The following HMX1 variants were observed in gnomAD, a reference collection of about 807,000 sequenced individuals.
HMX1 encodes the protein H6 family homeobox 1, also known as homeobox protein HMX1.
HMX1 carries 8 observed loss-of-function variants against 8.9 expected under a neutral mutation model. The ratio of observed to expected loss-of-function variants is 0.90; its 90% CI spans 0.53 to 1.63. HMX1 has a LOEUF of 1.63. HMX1 is among the 40% of genes most tolerant of loss of function. HMX1 has a pLI of 0.00. For synonymous variants in HMX1, 311 were observed against 283.4 expected (o/e 1.10, Z -0.98); for missense variants, 621 against 558.5 (o/e 1.11, Z -1.13).
Position 8,867,484 on chromosome 4 carries a change from G to A in HMX1, c.*209C>T, listed in dbSNP as rs576959286. On this transcript the variant is annotated 3_prime_UTR_variant, in exon 2 of 2. Coordinates refer to ENST00000400677, the MANE Select transcript of HMX1 (RefSeq NM_018942.3). The stretch of plus-strand genomic sequence containing the variant: ...CCTGTTCGAGTGGGGATCCAGCCTG[G>A]CAAATGGGTGGGGCGTCCCATTACA... 2.6e-6 allele frequency: 3 copies of A among 1,162,736 alleles called. No homozygotes were observed. Among genetic ancestry groups the A allele is most frequent in the Non-Finnish European group, 2.1e-6 (2 of 944,510 alleles). The allele number at this position is 1,162,736 out of a possible 1,614,324, so 72.0% of individuals were successfully genotyped here.
At chr4:8,854,804 G>T (rs141977967) in intron 1 of HMX1, among the ~76,000 whole-genome samples, 8 of 152,224 alleles carry the variant, frequency 5.3e-5, no homozygotes, top group African/African-American at 1.9e-4. Flanking sequence ...AGTAACAGTA[G>T]TAAGTCCAAC....
chr4:8,861,093 G>A (rs912610973), intron 1 of HMX1, among the ~76,000 whole-genome samples: 39 of 152,206 alleles, frequency 2.6e-4, no homozygotes, highest in Non-Finnish European at 5.4e-4. Context: ...CGTCCGCGGG[G>A]TCCCGGACAC....
chr4:8,869,621 A>G (rs555611807), intron 1 of HMX1, among the ~76,000 whole-genome samples: 137 of 152,280 alleles, frequency 9.0e-4, no homozygotes, highest in Middle Eastern at 3.4e-3. Context: ...CCCGTGGCCA[A>G]TCCCCATGGT....
Position 8,871,131 on chromosome 4 carries a change from G to A in HMX1, c.394+90C>T, listed in dbSNP as rs1228049340. On this transcript the variant is annotated intron_variant, in intron 1 of 1. Coordinates refer to ENST00000400677, the MANE Select transcript of HMX1 (RefSeq NM_018942.3). This position sits in a 1 kb window ranked among gnomAD's most constrained non-coding sequence, Gnocchi z 4.8. Reference sequence around the variant, plus strand: ...AGAAGGGAGAGGATGGCCCAGAACGGGCGGCGACGAGCCCGAAGTCCCCCA... The same window carrying A: ...AGAAGGGAGAGGATGGCCCAGAACGAGCGGCGACGAGCCCGAAGTCCCCCA... The A allele has an allele frequency of 4.9e-6, 6 of 1,223,168 alleles. No individual in the cohort carries two copies. The highest frequency in any genetic ancestry group is 4.1e-5 in the Admixed American group (1 of 24,148). 75.8% of individuals were successfully genotyped at this position (1,223,168 alleles called of 1,614,324 possible). A position where few individuals can be genotyped will look rare whatever the true frequency, so the allele number is the denominator to read the frequency against.
At position 8,871,182 on chromosome 4, in the gene HMX1, C is replaced by G; in HGVS notation, c.394+39G>C. On this transcript the variant is annotated intron_variant, in intron 1 of 1. Transcript: ENST00000400677. The surrounding 1 kb of genome is among the most constrained non-coding windows in gnomAD (Gnocchi z 4.8). Reference sequence around the variant, plus strand: ...GCAAATGCGCAGGGAGGAAGTCGGGCCCCACCGCCTGACCCACCCTCCCCG... The same window carrying G: ...GCAAATGCGCAGGGAGGAAGTCGGGGCCCACCGCCTGACCCACCCTCCCCG... 17 of 1,371,220 alleles carry G rather than the reference C, an allele frequency of 1.2e-5. No homozygotes were observed. Among genetic ancestry groups the G allele is most frequent in the East Asian group, 3.2e-5 (1 of 31,038 alleles). 84.9% of individuals were successfully genotyped at this position (1,371,220 alleles called of 1,614,324 possible). A position where few individuals can be genotyped will look rare whatever the true frequency, so the allele number is the denominator to read the frequency against.
At chr4:8,851,164 A>G (rs917068173) in intron 1 of HMX1, among the ~76,000 whole-genome samples, 3 of 152,250 alleles carry the variant, frequency 2.0e-5, no homozygotes, top group Non-Finnish European at 2.9e-5. Flanking sequence ...GTCTGACTCA[A>G]GCCTGAGGGC....
At chr4:8,864,515 T>C (rs148923638), downstream of HMX1, among the ~76,000 whole-genome samples, 10,062 of 152,230 alleles carry the variant, frequency 0.066, 1,100 homozygotes, top group African/African-American at 0.22. Flanking sequence ...GCCAACGCGC[T>C]CGAGGTGCAC....
intron 1 of HMX1, chr4:8,860,898 G>A (rs571633155): frequency 6.6e-6 from 1 of 151,934 alleles, no homozygotes; most frequent in Non-Finnish European, 1.5e-5. Flanking sequence ...ACTGAGGGGC[G>A]AGGCTGAAGG....
rs975025362 is a variant in HMX1 at position 8,849,392 on chromosome 4, G to T, written c.395-3068C>A. On this transcript the variant is annotated intron_variant, in intron 1 of 1. Coordinates refer to the HMX1 transcript ENST00000506970. This position sits in a 1 kb window ranked among gnomAD's most constrained non-coding sequence, Gnocchi z 6.6. Reference sequence around the variant, plus strand: ...AGAGGCAGGGCAGCGTGAAGCCAAGGAGAAGGCGGGCACTCAGCTGGCACC... The same window carrying T: ...AGAGGCAGGGCAGCGTGAAGCCAAGTAGAAGGCGGGCACTCAGCTGGCACC... 1.3e-5 allele frequency among the ~76,000 whole-genome samples: 2 copies of T among 151,796 alleles called. No homozygotes were observed. The highest frequency in any genetic ancestry group is 4.2e-4 in the South Asian group (2 of 4,806).
Position 8,871,460 on chromosome 4 carries a change from G to C in HMX1, c.155C>G (p.Pro52Arg), listed in dbSNP as rs1386879376. 1 of 1,343,908 alleles carries C rather than the reference G, an allele frequency of 7.4e-7. No homozygotes were observed. Among genetic ancestry groups the C allele is most frequent in the Non-Finnish European group, 9.7e-7 (1 of 1,036,064 alleles). The allele number at this position is 1,343,908 out of a possible 1,614,324, so 83.2% of individuals were successfully genotyped here. The change falls in exon 1 of 2, where the codon CCC becomes CGC. Residue 52 changes from proline (P) to arginine (R), a missense_variant. Pro to Arg is a moderately radical substitution (Grantham distance 103). Coordinates refer to ENST00000400677, the MANE Select transcript of HMX1 (RefSeq NM_018942.3). The surrounding 1 kb of genome is among the most constrained non-coding windows in gnomAD (Gnocchi z 4.8). The part of the protein sequence containing the change: ...REDEEEDDDD[P>R]EDEDAEQARR... ...CGCCTGCTCGGCGTCCTCGTCTTCG[G>C]GGTCGTCGTCGTCCTCCTCCTCGTC...
Position 8,868,399 on chromosome 4 carries a change from C to A in HMX1, c.395-54G>T. 2 of 1,256,634 alleles carry A rather than the reference C, an allele frequency of 1.6e-6. No individual in the cohort carries two copies. Among genetic ancestry groups the A allele is most frequent in the South Asian group, 2.5e-5 (1 of 40,432 alleles). 77.8% of individuals were successfully genotyped at this position (1,256,634 alleles called of 1,614,324 possible). On this transcript the variant is annotated intron_variant, in intron 1 of 1. Coordinates refer to ENST00000400677, the MANE Select transcript of HMX1 (RefSeq NM_018942.3). This position sits in a 1 kb window ranked among gnomAD's most constrained non-coding sequence, Gnocchi z 4.6. ...GTTCTAGGGCACTGATTACCAGACT[C>A]AATCACTGAGGCCAGCCGTCCCCAC...
downstream of HMX1, among the ~76,000 whole-genome samples, chr4:8,864,978 G>A (rs566680129): frequency 1.3e-5 from 2 of 150,038 alleles, no homozygotes; most frequent in Admixed American, 6.6e-5. Context: ...CTCTGATGCT[G>A]GCTGCCAAGA....
downstream of HMX1, among the ~76,000 whole-genome samples, chr4:8,863,380 C>G (rs1055579086): frequency 6.6e-6 from 1 of 152,246 alleles, no homozygotes; most frequent in African/African-American, 2.4e-5. Flanking sequence ...CGGCCTCTCC[C>G]GCCTCCCTGG....
Position 8,867,548 on chromosome 4 carries a change from GCCGCGGCCTGCGCTC to G in HMX1, c.*130_*144del. The G allele has an allele frequency of 8.4e-7, 1 of 1,187,474 alleles. No individual in the cohort carries two copies. The highest frequency in any genetic ancestry group is 1.0e-6 in the Non-Finnish European group (1 of 959,702). The allele number at this position is 1,187,474 out of a possible 1,614,324, so 73.6% of individuals were successfully genotyped here. On this transcript the variant is annotated 3_prime_UTR_variant, in exon 2 of 2. Coordinates refer to ENST00000400677, the MANE Select transcript of HMX1 (RefSeq NM_018942.3). ...CCCCACAGAAGCTGAGGCCCGCCCG[GCCGCGGCCTGCGCTC>G]CCGAGGTATCTAGGAGGCCGCAGGA...
intron 1 of HMX1, among the ~76,000 whole-genome samples, chr4:8,859,587 C>A (rs1032896551): frequency 1.3e-5 from 2 of 152,134 alleles, no homozygotes; most frequent in Non-Finnish European, 2.9e-5. Flanking sequence ...GGAGCTGACA[C>A]CCTCCCCCAC....
Position 8,870,536 on chromosome 4 carries a change from C to T in HMX1, c.394+685G>A, listed in dbSNP as rs969580546. On this transcript the variant is annotated intron_variant, in intron 1 of 1. Transcript: ENST00000400677. The surrounding 1 kb of genome is among the most constrained non-coding windows in gnomAD (Gnocchi z 4.4). ...CCCTTCTTGCCTGGCACAGCCCATG[C>T]CCCTCAAGGACCAAGAGGGAGACCC... 2.0e-5 allele frequency among the ~76,000 whole-genome samples: 3 copies of T among 152,104 alleles called. No individual in the cohort carries two copies. In the East Asian group the frequency reaches 5.8e-4, roughly 29 times the overall value.
At position 8,868,461 on chromosome 4, in the gene HMX1, C is replaced by A; in HGVS notation, c.395-116G>T. On this transcript the variant is annotated intron_variant, in intron 1 of 1. Coordinates refer to ENST00000400677, the MANE Select transcript of HMX1 (RefSeq NM_018942.3). The surrounding 1 kb of genome is among the most constrained non-coding windows in gnomAD (Gnocchi z 4.6). ...TCACAGCCACAAGCAGGAAGACCTTCCAGCACAGGGCTGGGCACCCAGCAG... is the reference window on the plus strand; with the variant it reads ...TCACAGCCACAAGCAGGAAGACCTTACAGCACAGGGCTGGGCACCCAGCAG... 8.5e-6 allele frequency: 7 copies of A among 820,940 alleles called. No homozygotes were observed. The highest frequency in any genetic ancestry group is 1.2e-5 in the Non-Finnish European group (7 of 606,088). The allele number at this position is 820,940 out of a possible 1,614,324, so 50.9% of individuals were successfully genotyped here. A position where few individuals can be genotyped will look rare whatever the true frequency, so the allele number is the denominator to read the frequency against.
downstream of HMX1, among the ~76,000 whole-genome samples, chr4:8,863,828 G>T (rs1323591999): frequency 6.6e-6 from 1 of 152,236 alleles, no homozygotes; most frequent in Non-Finnish European, 1.5e-5. Flanking sequence ...CAGTAGCTCC[G>T]ATCCCTGTGG....
rs1022281367 is a variant in HMX1 at position 8,867,624 on chromosome 4, C to T, written c.*69G>A. On this transcript the variant is annotated 3_prime_UTR_variant, in exon 2 of 2. Transcript: ENST00000400677. Reference sequence around the variant, plus strand: ...CTTCCCTAACGCCCCCTGAGCCCTGCGCCTGCCGCTGAATCGCGCGTCCAC... The same window carrying T: ...CTTCCCTAACGCCCCCTGAGCCCTGTGCCTGCCGCTGAATCGCGCGTCCAC... 17 of 1,202,832 alleles carry T rather than the reference C, an allele frequency of 1.4e-5. No homozygotes were observed. In the Admixed American group the frequency reaches 2.2e-4, roughly 16 times the overall value. The allele number at this position is 1,202,832 out of a possible 1,614,324, so 74.5% of individuals were successfully genotyped here.
Sources: allele counts gnomAD v4.1 joint callset (sites outside exome capture counted in the v4.1 genomes callset), GRCh38; gene constraint gnomAD v4.1.1; non-coding constraint Gnocchi (gnomAD v3.1); transcripts MANE v1.5; gene names NCBI Gene and HGNC (gene_info 2026-07-23, HGNC 2026-07-21).